Variants in NIT1 observed in about 807,000 individuals in gnomAD.
NIT1 encodes the protein nitrilase 1.
NIT1 carries 30 observed loss-of-function variants against 36.8 expected under a neutral mutation model. The ratio of observed to expected loss-of-function variants is 0.82; its 90% CI spans 0.61 to 1.11. NIT1 has a LOEUF of 1.11. NIT1 is among the 50% of genes least tolerant of loss of function. NIT1 has a pLI of 0.00. For synonymous variants in NIT1, 151 were observed against 155.6 expected, an observed-to-expected ratio of 0.97 and a Z score of 0.22; for missense variants, 438 against 410.6, an observed-to-expected ratio of 1.07 and a Z score of -0.58.
At position 161,119,089 on chromosome 1, in the gene NIT1, T is replaced by C. The variant is rs183359720; in HGVS notation, c.99-45T>C. On this transcript the variant is annotated intron_variant, in intron 2 of 6. Transcript: ENST00000368009. ...TGCACCCCTTAGCATTAAATTTGCT[T>C]CCCTGTGCTATGAAATCTGAGAATC... is the stretch of plus-strand genomic sequence containing the variant. 216 of 1,606,452 alleles carry C rather than the reference T, an allele frequency of 1.3e-4. 1 individual carries two copies. In the East Asian group the frequency reaches 4.8e-3, roughly 35 times the overall value.
rs760279706 is a variant in NIT1, at chr1:161,119,546, G to C, written c.391G>C (p.Glu131Gln). The C allele has an allele frequency of 5.0e-6, 8 of 1,614,062 alleles. No homozygotes were observed. In the East Asian group the frequency reaches 1.8e-4, roughly 36 times the overall value. The change falls in exon 4 of 7, where the codon GAG becomes CAG. Residue 131 changes from glutamate to glutamine, a missense_variant. Transcript: ENST00000368009. ...CTGGCTGTCCTTGGGTGGTTTCCAT[G>C]AGCGTGGCCAAGACTGGGAGCAGAC... ...GLWLSLGGFH[E>Q]RGQDWEQTQK... is the part of the protein sequence containing the mutation.
At chr1:161,124,084 C>A, downstream of NIT1, 1 of 1,584,022 alleles carries the variant, frequency 6.3e-7, no homozygotes, top group South Asian at 1.2e-5. Context: ...CTATGCTGCT[C>A]CTTCCTGGCC....
At chr1:161,120,338 C>A in intron 6 of NIT1, 106 bp downstream of exon 6, 8 of 1,480,804 alleles carry the variant, frequency 5.4e-6, no homozygotes, top group Non-Finnish European at 7.4e-6. Flanking sequence ...TGGGAAAACT[C>A]ATTCCCCAGA....
chr1:161,125,119 AC>A (rs1656026716), downstream of NIT1: 1 of 152,198 alleles, frequency 6.6e-6, no homozygotes, highest in African/African-American at 2.4e-5. Flanking sequence ...TTAAATTCTG[AC>A]TGTATCACTG....
chr1:161,123,411 G>T (rs187556975), downstream of NIT1, among the ~76,000 whole-genome samples: 1 of 152,120 alleles, frequency 6.6e-6, no homozygotes. Flanking sequence ...AGGCCAAGGC[G>T]GGTGGATCAT....
At chr1:161,119,475 T>G (rs1212363214) in intron 3 of NIT1, 34 bp from the exon 4 acceptor site, 14 of 1,613,290 alleles carry the variant, frequency 8.7e-6, no homozygotes, top group Non-Finnish European at 1.2e-5. Context: ...CCTTGAGAAG[T>G]CAGTGAAGAG....
chr1:161,124,743 C>A, downstream of NIT1: 1 of 452,524 alleles, frequency 2.2e-6, no homozygotes, highest in Non-Finnish European at 3.5e-6. Context: ...AGGAGGATCA[C>A]TTGAGCCCAG....
At position 161,118,159 on chromosome 1, in the gene NIT1, G is replaced by T. The variant is rs1238335212; in HGVS notation, c.-18G>T. 6.2e-7 allele frequency: 1 copy of T among 1,613,918 alleles called. No homozygotes were observed. The highest frequency in any genetic ancestry group is 8.5e-7 in the Non-Finnish European group (1 of 1,179,936). ...GCCCTCCGGATCGGACCCTGCGAAT[G>T]GTTTTGGCTATATCTTCATGTAGGA... On this transcript the variant is annotated 5_prime_UTR_variant, in exon 1 of 7. The change abolishes an upstream ATG in the 5' untranslated region. Coordinates refer to ENST00000368009, the MANE Select transcript of NIT1 (RefSeq NM_005600.3).
chr1:161,122,335 C>T, downstream of NIT1: 1 of 1,614,200 alleles, frequency 6.2e-7, no homozygotes, highest in South Asian at 1.1e-5. This position sits in a 1 kb window ranked among gnomAD's most constrained non-coding sequence, Gnocchi z 4.2. Context: ...CAGAATGCAT[C>T]GAGGTAGGTG....
At chr1:161,119,436 T>TC in intron 3 of NIT1, 48 bp downstream of exon 3, 1 of 1,613,612 alleles carries the variant, frequency 6.2e-7, no homozygotes, top group Non-Finnish European at 8.5e-7. Flanking sequence ...TTGGACAGTG[T>TC]CCCTGGGTTG....
At position 161,119,322 on chromosome 1, in the gene NIT1, C is replaced by T; in HGVS notation, c.287C>T (p.Ala96Val). The change falls in exon 3 of 7, where the codon GCA (alanine) becomes GTA (valine). Residue 96 changes from alanine to valine, a missense_variant. Physicochemically the swap from Ala to Val is moderately conservative, Grantham distance 64 (BLOSUM62 0). Coordinates refer to ENST00000368009, the MANE Select transcript of NIT1 (RefSeq NM_005600.3). Reference protein sequence around the residue: ...EAFDFIARDPAETLHLSEPLG... With the variant: ...EAFDFIARDPVETLHLSEPLG... ...TTTGACTTCATTGCACGGGACCCTG[C>T]AGAGACGCTACACCTGTCTGAACCA... The T allele has an allele frequency of 6.2e-7, 1 of 1,614,220 alleles. No individual in the cohort carries two copies. Among genetic ancestry groups the T allele is most frequent in the African/African-American group, 1.3e-5 (1 of 75,062 alleles).
Position 161,120,589 on chromosome 1 carries a change from G to A in NIT1, c.808G>A (p.Gly270Ser), listed in dbSNP as rs747000266. ...CCACCATGAGAAGAGAGCAAGTTAT[G>A]GCCACAGCATGGTGGTAGACCCCTG... ...GRHHEKRASY[G>S]HSMVVDPWGT... Residue 270 changes from glycine to serine, a missense_variant, in exon 7 of 7, where the codon GGC (glycine) becomes AGC (serine). Coordinates refer to ENST00000368009, the MANE Select transcript of NIT1 (RefSeq NM_005600.3). 2.5e-6 allele frequency: 4 copies of A among 1,614,076 alleles called. No individual in the cohort carries two copies. The highest frequency in any genetic ancestry group is 2.2e-5 in the East Asian group (1 of 44,904).
intron 1 of NIT1, 91 bp from the exon 2 acceptor site, chr1:161,118,695 C>A: frequency 6.9e-7 from 1 of 1,455,106 alleles, no homozygotes; most frequent in Non-Finnish European, 9.6e-7. Context: ...GGCCCTGATT[C>A]AGGCTCACAG....
At position 161,120,801 on chromosome 1, in the gene NIT1, A is replaced by G. The variant is rs370967992; in HGVS notation, c.*36A>G. 965 of 1,106,734 alleles carry G rather than the reference A, an allele frequency of 8.7e-4. 7 individuals carry two copies. Among genetic ancestry groups the G allele is most frequent in the South Asian group, 5.2e-3 (387 of 74,856 alleles). The allele number at this position is 1,106,734 out of a possible 1,614,324, so 68.6% of individuals were successfully genotyped here. A position where few individuals can be genotyped will look rare whatever the true frequency, so the allele number is the denominator to read the frequency against. ...CTGTGAGTTTAGACCTGCCCCTCCC[A>G]CCCCCACCCTGCCACTATGAGCTAG... On this transcript the variant is annotated 3_prime_UTR_variant, in exon 7 of 7. Coordinates refer to ENST00000368009, the MANE Select transcript of NIT1 (RefSeq NM_005600.3).
In NIT1 at chr1:161,120,895, TG is replaced by T; in HGVS notation, c.*132del. The T allele has an allele frequency of 6.9e-7, 1 of 1,452,778 alleles. No individual in the cohort carries two copies. The highest frequency in any genetic ancestry group is 9.0e-7 in the Non-Finnish European group (1 of 1,108,052). The allele number at this position is 1,452,778 out of a possible 1,614,324, so 90.0% of individuals were successfully genotyped here. ...ACTTGGAGAACCTTGACTCTCTTGA[TG>T]GAACACAGATGGGCTGCTTGGGAAA... On this transcript the variant is annotated 3_prime_UTR_variant, in exon 7 of 7. Coordinates refer to ENST00000368009, the MANE Select transcript of NIT1 (RefSeq NM_005600.3).
downstream of NIT1, chr1:161,124,072 G>A (rs764999768): frequency 5.6e-5 from 89 of 1,579,462 alleles, no homozygotes; most frequent in African/African-American, 2.4e-4. Flanking sequence ...CCCTTTGGAC[G>A]CCTATGCTGC....
chr1:161,123,272 T>C (rs766710268), downstream of NIT1: 1 of 1,519,798 alleles, frequency 6.6e-7, no homozygotes, highest in South Asian at 1.1e-5. Flanking sequence ...AGGCAGAAAT[T>C]CAAACACTTC....
downstream of NIT1, chr1:161,122,008 C>A (rs1571213894): frequency 1.7e-6 from 2 of 1,180,246 alleles, no homozygotes; most frequent in East Asian, 2.4e-5. The surrounding 1 kb of genome is among the most constrained non-coding windows in gnomAD (Gnocchi z 4.2). Context: ...CTTCCACTTT[C>A]TTTTGTCTTT....
Position 161,120,602 on chromosome 1 carries a change from T to C in NIT1, c.821T>C (p.Val274Ala). Residue 274 changes from valine to alanine, a missense_variant, in exon 7 of 7, where the codon GTG (valine) becomes GCG (alanine). By Grantham distance (64) the Val-to-Ala change is moderately conservative. Coordinates refer to ENST00000368009, the MANE Select transcript of NIT1 (RefSeq NM_005600.3). Reference protein sequence around the residue: ...EKRASYGHSMVVDPWGTVVAR... With the variant: ...EKRASYGHSMAVDPWGTVVAR... The stretch of plus-strand genomic sequence containing the variant: ...AGAGCAAGTTATGGCCACAGCATGG[T>C]GGTAGACCCCTGGGGAACAGTGGTG... 1 of 1,614,152 alleles carries C rather than the reference T, an allele frequency of 6.2e-7. No homozygotes were observed. The highest frequency in any genetic ancestry group is 8.5e-7 in the Non-Finnish European group (1 of 1,180,030).
Sources: allele counts gnomAD v4.1 joint callset (sites outside exome capture counted in the v4.1 genomes callset), GRCh38; gene constraint gnomAD v4.1.1; non-coding constraint Gnocchi (gnomAD v3.1); transcripts MANE v1.5; gene names NCBI Gene and HGNC (gene_info 2026-07-23, HGNC 2026-07-21).